The following KCNJ6 variants were observed in gnomAD, a reference collection of about 807,000 sequenced individuals.
KCNJ6 encodes the protein G protein-activated inward rectifier potassium channel 2.
A neutral mutation model predicts 34.2 loss-of-function variants in KCNJ6; 9 were observed. The observed-to-expected ratio is 0.26, with a 90% confidence interval of 0.16 to 0.46. The LOEUF (loss-of-function observed/expected upper bound fraction) is 0.46, where lower values mean the gene tolerates loss of function less well. KCNJ6 is among the 20% of genes least tolerant of loss of function. The pLI, the probability that KCNJ6 is intolerant of heterozygous loss-of-function variation, is 1.00. For synonymous variants in KCNJ6, 196 were observed against 207.1 expected, an observed-to-expected ratio of 0.95 and a Z score of 0.46; for missense variants, 236 against 531.3, an observed-to-expected ratio of 0.44 and a Z score of 5.46.
At chr21:37,647,786 C>T (rs1601402192) in intron 3 of KCNJ6, among the ~76,000 whole-genome samples, 1 of 152,348 alleles carries the variant, frequency 6.6e-6, no homozygotes, top group Middle Eastern at 3.4e-3. Flanking sequence ...AGGGTGCTTC[C>T]TCATGTGGAA....
At chr21:37,836,711 G>A (rs2055453296) in intron 2 of KCNJ6, among the ~76,000 whole-genome samples, 1 of 152,108 alleles carries the variant, frequency 6.6e-6, no homozygotes, top group African/African-American at 2.4e-5. Flanking sequence ...GGCACAGGGA[G>A]GGGAACATAA....
At chr21:37,912,599 C>T (rs2055872341) in intron 1 of KCNJ6, among the ~76,000 whole-genome samples, 2 of 152,206 alleles carry the variant, frequency 1.3e-5, no homozygotes, top group African/African-American at 2.4e-5. Context: ...TTGTTTAATA[C>T]TCCACGTGTC....
chr21:37,909,754 T>C (rs1244343877), intron 1 of KCNJ6, among the ~76,000 whole-genome samples: 2 of 152,232 alleles, frequency 1.3e-5, no homozygotes. Context: ...CTTATTGTTA[T>C]TATTTTATGA....
In KCNJ6 at chr21:37,896,179, T is replaced by C. The variant is rs775948096; in HGVS notation, c.-28+19705A>G. Among the ~76,000 whole-genome samples, 7 of 152,188 alleles carry C rather than the reference T, an allele frequency of 4.6e-5. 1 individual carries two copies. The highest frequency in any genetic ancestry group is 6.8e-3 in the Middle Eastern group (2 of 294). ...TGCCACACACCTTTAAACAACCCGA[T>C]CTCGTAAGAACTCACTCACTATGGC... is the stretch of plus-strand genomic sequence containing the variant. On this transcript the variant is annotated intron_variant, in intron 1 of 3. Transcript: ENST00000609713.
intron 1 of KCNJ6, among the ~76,000 whole-genome samples, chr21:37,848,775 A>G (rs1430510672): frequency 1.4e-4 from 22 of 152,204 alleles, no homozygotes; most frequent in Admixed American, 1.4e-3. Context: ...TGACCTTCTA[A>G]GAGTGATGGG....
At chr21:37,745,768 G>A (rs1164528418) in intron 2 of KCNJ6, among the ~76,000 whole-genome samples, 1 of 152,188 alleles carries the variant, frequency 6.6e-6, no homozygotes, top group African/African-American at 2.4e-5. Context: ...GTACAGGGGT[G>A]AATAAAGATG....
intron 3 of KCNJ6, among the ~76,000 whole-genome samples, chr21:37,641,347 C>T (rs1050772707): frequency 6.6e-6 from 1 of 152,064 alleles, no homozygotes; most frequent in Non-Finnish European, 1.5e-5. Flanking sequence ...ATGTGTCAGG[C>T]ACTTTGATGG....
intron 3 of KCNJ6, among the ~76,000 whole-genome samples, chr21:37,629,256 T>A (rs2054323716): frequency 6.6e-6 from 1 of 152,198 alleles, no homozygotes; most frequent in African/African-American, 2.4e-5. Flanking sequence ...TTCCATTATA[T>A]GAATATATCA....
At position 37,621,394 on chromosome 21, in the gene KCNJ6, G is replaced by A. The variant is rs2054289448; in HGVS notation, c.*3765C>T. On this transcript the variant is annotated 3_prime_UTR_variant, in exon 4 of 4. Coordinates refer to ENST00000609713, the MANE Select transcript of KCNJ6 (RefSeq NM_002240.5). ...TGTCCACCAGTTCCCACCTTTGTAA[G>A]CAGTTTCTAAATATCCCAAAGACAC... 1 of 152,108 alleles carries A rather than the reference G, an allele frequency of 6.6e-6. No individual in the cohort carries two copies. Among genetic ancestry groups the A allele is most frequent in the African/African-American group, 2.4e-5 (1 of 41,418 alleles). The allele number at this position is 152,108 out of a possible 1,614,324, so 9.4% of individuals were successfully genotyped here.
chr21:37,684,713 C>T (rs1246326871), intron 3 of KCNJ6, among the ~76,000 whole-genome samples: 1 of 152,202 alleles, frequency 6.6e-6, no homozygotes. Context: ...CCAGATTATT[C>T]GGTGAAAAGT....
At chr21:37,762,088 T>C (rs1568839261) in intron 2 of KCNJ6, among the ~76,000 whole-genome samples, 1 of 152,170 alleles carries the variant, frequency 6.6e-6, no homozygotes, top group Non-Finnish European at 1.5e-5. Flanking sequence ...AATTCCCCAG[T>C]GTGTGTGCAG....
Position 37,617,206 on chromosome 21 carries a change from TTCC to T in KCNJ6, c.*7950_*7952del, listed in dbSNP as rs2054275367. ...CTTCCTTCCTTCCTTCCTTCCTTCCTTCCTTCCTTCCTTCTTTTCTTTCTTTTT... is the reference window on the plus strand; with the variant it reads ...CTTCCTTCCTTCCTTCCTTCCTTCCTTTCCTTCCTTCTTTTCTTTCTTTTT... On this transcript the variant is annotated 3_prime_UTR_variant, in exon 4 of 4. Coordinates refer to ENST00000609713, the MANE Select transcript of KCNJ6 (RefSeq NM_002240.5). 1.4e-5 allele frequency: 2 copies of T among 146,798 alleles called. No individual in the cohort carries two copies. Among genetic ancestry groups the T allele is most frequent in the Non-Finnish European group, 3.0e-5 (2 of 66,570 alleles). 9.1% of individuals were successfully genotyped at this position (146,798 alleles called of 1,614,324 possible).
chr21:37,754,758 C>T lies in KCNJ6; in HGVS notation c.26-39627G>A, dbSNP rs141630875. On this transcript the variant is annotated intron_variant, in intron 2 of 3. Transcript: ENST00000609713. ...CTGGGTTTGCTTTAGTCCTCACTTT[C>T]GGTACATTTCCTGCCTAAGATATTT... Among the ~76,000 whole-genome samples, 10 of 152,306 alleles carry T rather than the reference C, an allele frequency of 6.6e-5. No homozygotes were observed. The East Asian group carries it at 1.4e-3, about 21-fold the overall frequency.
intron 2 of KCNJ6, among the ~76,000 whole-genome samples, chr21:37,795,734 CA>C (rs751299050): frequency 3.2e-4 from 20 of 62,840 alleles, no homozygotes; most frequent in East Asian, 4.2e-4. Flanking sequence ...AACTCCGTCT[CA>C]AAAAAAAAAA....
intron 2 of KCNJ6, among the ~76,000 whole-genome samples, chr21:37,727,749 C>G (rs548857119): frequency 1.3e-5 from 2 of 152,094 alleles, no homozygotes; most frequent in South Asian, 2.1e-4. Context: ...TTGGGAGGAA[C>G]GGAGAAAGAT....
At chr21:37,883,850 T>G (rs575775188) in intron 1 of KCNJ6, among the ~76,000 whole-genome samples, 1 of 152,246 alleles carries the variant, frequency 6.6e-6, no homozygotes, top group Non-Finnish European at 1.5e-5. Flanking sequence ...GTATAAACCT[T>G]TAATGTTTGC....
intron 3 of KCNJ6, among the ~76,000 whole-genome samples, chr21:37,693,984 T>C (rs970838213): frequency 1.9e-4 from 29 of 152,210 alleles, no homozygotes; most frequent in African/African-American, 6.5e-4. Context: ...TTTACATTGA[T>C]TATCTAAACA....
At chr21:37,771,392 A>G (rs1239583036) in intron 2 of KCNJ6, among the ~76,000 whole-genome samples, 2 of 152,218 alleles carry the variant, frequency 1.3e-5, no homozygotes, top group African/African-American at 4.8e-5. Flanking sequence ...GCTTGTGCCC[A>G]AGAGTTTTGG....
intron 2 of KCNJ6, among the ~76,000 whole-genome samples, chr21:37,827,082 A>T (rs1304834083): frequency 6.6e-6 from 1 of 152,146 alleles, no homozygotes; most frequent in East Asian, 1.9e-4. Context: ...TGAGTATGAG[A>T]GCTATAACCT....
Sources: gnomAD v4.1 joint callset for allele counts (sites outside exome capture counted in the v4.1 genomes callset) on GRCh38, gnomAD v4.1.1 for gene constraint, MANE v1.5 for transcripts, NCBI Gene and HGNC (gene_info 2026-07-23, HGNC 2026-07-21) for gene names.